Variants in NCS1 observed in about 807,000 individuals in gnomAD.
NCS1 encodes neuronal calcium sensor 1.
A neutral mutation model predicts 28.4 loss-of-function variants in NCS1; 6 were observed. That is an observed-to-expected ratio of 0.21 (90% confidence interval 0.12 to 0.42). The LOEUF (loss-of-function observed/expected upper bound fraction) is 0.42. Among genes scored for constraint, NCS1 ranks in the 10% least tolerant of loss-of-function variants. The pLI, the probability that NCS1 is intolerant of heterozygous loss-of-function variation, is 1.00. For synonymous variants in NCS1, 86 were observed against 99.3 expected (o/e 0.87, Z 0.79); for missense variants, 131 against 241.4 (o/e 0.54, Z 3.03).
chr9:130,205,493 A>G (rs1554907963), intron 2 of NCS1, among the ~76,000 whole-genome samples: 3 of 143,506 alleles, frequency 2.1e-5, no homozygotes, highest in African/African-American at 7.7e-5. Flanking sequence ...GCAATGAGCT[A>G]TGATTGCCCT....
chr9:130,224,858 T>C (rs547250284), intron 6 of NCS1, among the ~76,000 whole-genome samples: 1 of 152,300 alleles, frequency 6.6e-6, no homozygotes, highest in South Asian at 2.1e-4. Context: ...TTTGAAATAA[T>C]GACGTTAGGG....
intron 1 of NCS1, among the ~76,000 whole-genome samples, chr9:130,196,336 G>A (rs971396121): frequency 6.6e-6 from 1 of 152,346 alleles, no homozygotes; most frequent in South Asian, 2.1e-4. Context: ...CGAGTCCCCG[G>A]CTCTGCTGCA....
chr9:130,187,236 C>T lies in NCS1; in HGVS notation c.65-13722C>T, dbSNP rs367591264. Among the ~76,000 whole-genome samples the T allele has an allele frequency of 1.6e-4, 25 of 152,314 alleles. No individual in the cohort carries two copies. The East Asian group carries it at 3.3e-3, about 20-fold the overall frequency. On this transcript the variant is annotated intron_variant, in intron 1 of 7. Transcript: ENST00000372398. ...CCAGTCAAGGTCAGGGTCCGGCCTA[C>T]AGCGAGCTCTGGCCAGGCTGATGTG... is the stretch of plus-strand genomic sequence containing the variant.
Position 130,192,192 on chromosome 9 carries a change from G to A in NCS1, c.65-8766G>A, listed in dbSNP as rs1186324115. ...CTCTTCTCACCCTGGCAGGGGCATC[G>A]AGTAATAAGTACAACAGCAGTGATG... On this transcript the variant is annotated intron_variant, in intron 1 of 7. Coordinates refer to ENST00000372398, the MANE Select transcript of NCS1 (RefSeq NM_014286.4). The surrounding 1 kb of genome is among the most constrained non-coding windows in gnomAD (Gnocchi z 4.8). Among the ~76,000 whole-genome samples the A allele has an allele frequency of 2.0e-5, 3 of 152,128 alleles. No individual in the cohort carries two copies. Among genetic ancestry groups the A allele is most frequent in the Non-Finnish European group, 2.9e-5 (2 of 68,012 alleles).
At chr9:130,184,102 G>A (rs890709180) in intron 1 of NCS1, among the ~76,000 whole-genome samples, 13 of 152,060 alleles carry the variant, frequency 8.5e-5, no homozygotes, top group African/African-American at 2.2e-4. Flanking sequence ...GAGCCACCGC[G>A]CCCGGCGTCT....
chr9:130,232,554 G>A lies in NCS1; in HGVS notation c.*18-436G>A, dbSNP rs969012234. On this transcript the variant is annotated intron_variant, in intron 7 of 7. Coordinates refer to ENST00000372398, the MANE Select transcript of NCS1 (RefSeq NM_014286.4). This position sits in a 1 kb window ranked among gnomAD's most constrained non-coding sequence, Gnocchi z 4.4. ...TCCCAGCACTTTGGGAGGCCGAGGC[G>A]GGTCTATCATGAGGTCAGGAGTTCG... is the stretch of plus-strand genomic sequence containing the variant. Among the ~76,000 whole-genome samples the A allele has an allele frequency of 5.9e-5, 9 of 152,078 alleles. No homozygotes were observed. The highest frequency in any genetic ancestry group is 1.9e-4 in the African/African-American group (8 of 41,398).
chr9:130,217,851 G>C lies in NCS1; in HGVS notation c.109G>C (p.Asp37His). 6.2e-7 allele frequency: 1 copy of C among 1,614,174 alleles called. No individual in the cohort carries two copies. The highest frequency in any genetic ancestry group is 8.5e-7 in the Non-Finnish European group (1 of 1,180,042). ...VQQWYKGFIK[D>H]CPSGQLDAAG... The stretch of plus-strand genomic sequence containing the variant: ...CTCCAGGTACAAAGGCTTCATCAAG[G>C]ACTGCCCCAGTGGGCAGCTGGATGC... Residue 37 changes from aspartate to histidine, a missense_variant, in exon 3 of 8, where the codon GAC becomes CAC. Physicochemically the swap from Asp to His is moderately conservative, Grantham distance 81. Coordinates refer to ENST00000372398, the MANE Select transcript of NCS1 (RefSeq NM_014286.4).
rs369569947 is a variant in NCS1, at chr9:130,217,844, C to T, written c.102C>T (p.Phe34=). 30 of 1,614,080 alleles carry T rather than the reference C, an allele frequency of 1.9e-5. No homozygotes were observed. Among genetic ancestry groups the T allele is most frequent in the East Asian group, 1.6e-4 (7 of 44,888 alleles). The change falls in exon 3 of 8, where the codon TTC becomes TTT. Residue 34 remains phenylalanine (F), a synonymous_variant. Transcript: ENST00000372398. ...EKEVQQWYKG[F]IKDCPSGQLD... is the part of the protein sequence containing the mutation. ...CTGCTGCCTCCAGGTACAAAGGCTT[C>T]ATCAAGGACTGCCCCAGTGGGCAGC... is the stretch of plus-strand genomic sequence containing the variant.
rs1280163291 is a variant in NCS1 at position 130,215,294 on chromosome 9, G to C, written c.90-2538G>C. The stretch of plus-strand genomic sequence containing the variant: ...AGAAGAAACTCAAAAGAAGCAGGGA[G>C]AAGGCAGGTTTAAGGGCCAGGACGG... On this transcript the variant is annotated intron_variant, in intron 2 of 7. Transcript: ENST00000372398. This position sits in a 1 kb window ranked among gnomAD's most constrained non-coding sequence, Gnocchi z 4.2. Among the ~76,000 whole-genome samples, 1 of 152,208 alleles carries C rather than the reference G, an allele frequency of 6.6e-6. No individual in the cohort carries two copies. The highest frequency in any genetic ancestry group is 1.5e-5 in the Non-Finnish European group (1 of 68,052).
intron 1 of NCS1, among the ~76,000 whole-genome samples, chr9:130,183,218 T>C (rs1832686702): frequency 6.6e-6 from 1 of 152,184 alleles, no homozygotes; most frequent in Admixed American, 6.5e-5. Context: ...TGGCTGCCCC[T>C]CTCAGGGCCG....
chr9:130,200,590 AG>A (rs1229888267), intron 1 of NCS1: 1 of 1,551,604 alleles, frequency 6.4e-7, no homozygotes, highest in African/African-American at 1.4e-5. Flanking sequence ...TCCCGTCCCC[AG>A]GGATTGAGAG....
At position 130,219,174 on chromosome 9, in the gene NCS1, C is replaced by A. The variant is rs1210567058; in HGVS notation, c.229-551C>A. 9.2e-5 allele frequency among the ~76,000 whole-genome samples: 14 copies of A among 152,076 alleles called. No individual in the cohort carries two copies. The highest frequency in any genetic ancestry group is 3.4e-4 in the African/African-American group (14 of 41,400). On this transcript the variant is annotated intron_variant, in intron 3 of 7. Coordinates refer to ENST00000372398, the MANE Select transcript of NCS1 (RefSeq NM_014286.4). This position sits in a 1 kb window ranked among gnomAD's most constrained non-coding sequence, Gnocchi z 5.7. ...GATTTACTGCCACTTGTCTCTGTAC[C>A]CCCTGCTGCTGGCACCGTGGAGGTT...
intron 2 of NCS1, among the ~76,000 whole-genome samples, chr9:130,211,646 A>T (rs1189828282): frequency 1.3e-5 from 2 of 151,928 alleles, no homozygotes; most frequent in Non-Finnish European, 2.9e-5. Context: ...CCTGGTACCG[A>T]GCACAGAGGC....
rs548734910 is a variant in NCS1, at chr9:130,234,546, T to C, written c.*1574T>C. On this transcript the variant is annotated 3_prime_UTR_variant, in exon 8 of 8. Coordinates refer to ENST00000372398, the MANE Select transcript of NCS1 (RefSeq NM_014286.4). The surrounding 1 kb of genome is among the most constrained non-coding windows in gnomAD (Gnocchi z 6.1). ...GCGAGGAGGCCCGGGCTGGTTGGTC[T>C]TGAAGGCCCTTTTCCATGCCGACAT... 7.9e-4 allele frequency: 121 copies of C among 152,470 alleles called. No individual in the cohort carries two copies. The highest frequency in any genetic ancestry group is 2.8e-3 in the African/African-American group (117 of 41,586). 9.4% of individuals were successfully genotyped at this position (152,470 alleles called of 1,614,324 possible). A position where few individuals can be genotyped will look rare whatever the true frequency, so the allele number is the denominator to read the frequency against.
rs1833599451 is a variant in NCS1, at chr9:130,236,663, T to G, written c.*3691T>G. 6.6e-6 allele frequency: 1 copy of G among 152,084 alleles called. No homozygotes were observed. The highest frequency in any genetic ancestry group is 1.5e-5 in the Non-Finnish European group (1 of 67,970). 9.4% of individuals were successfully genotyped at this position (152,084 alleles called of 1,614,324 possible). On this transcript the variant is annotated 3_prime_UTR_variant, in exon 8 of 8. Coordinates refer to ENST00000372398, the MANE Select transcript of NCS1 (RefSeq NM_014286.4). ...CATCTTCTGTCTTGGCATCTTAGCA[T>G]CCAGGCTCAGGCTCTGCCCCTTCTC...
At position 130,219,675 on chromosome 9, in the gene NCS1, C is replaced by T. The variant is rs782164192; in HGVS notation, c.229-50C>T. ...GCCCGTCCCGAGGTTCAGCCTGACC[C>T]GGTGGCCTGGCCGGCACTGACTGAG... On this transcript the variant is annotated intron_variant, in intron 3 of 7. Coordinates refer to ENST00000372398, the MANE Select transcript of NCS1 (RefSeq NM_014286.4). The surrounding 1 kb of genome is among the most constrained non-coding windows in gnomAD (Gnocchi z 5.7). The T allele has an allele frequency of 3.1e-5, 49 of 1,580,196 alleles. 2 individuals are homozygous for T. The highest frequency in any genetic ancestry group is 4.0e-5 in the African/African-American group (3 of 74,186).
chr9:130,218,223 T>C lies in NCS1; in HGVS notation c.228+253T>C, dbSNP rs72761208. 8.0e-3 allele frequency among the ~76,000 whole-genome samples: 1,221 copies of C among 152,344 alleles called. 14 individuals carry two copies. The highest frequency in any genetic ancestry group is 0.013 in the Non-Finnish European group (859 of 68,036). On this transcript the variant is annotated intron_variant, in intron 3 of 7. Transcript: ENST00000372398. ...CACATATGTACACCCACACATGTAC[T>C]GACATGCACATCCAAGCTCTCACAC...
intron 2 of NCS1, among the ~76,000 whole-genome samples, chr9:130,208,951 G>A (rs7847466): frequency 0.51 from 77,310 of 151,780 alleles, 20,248 homozygotes; most frequent in East Asian, 0.84. Context: ...GCTCAGACCC[G>A]CCGGCTTCTT....
rs1461472408 is a variant in NCS1 at position 130,215,887 on chromosome 9, CAAG to C, written c.90-1939_90-1937del. ...GTCATGTGCCCGCTATGGTCTGACT[CAAG>C]AAGAACTGCCCTCCCTCCCACATCC... On this transcript the variant is annotated intron_variant, in intron 2 of 7. Coordinates refer to ENST00000372398, the MANE Select transcript of NCS1 (RefSeq NM_014286.4). The surrounding 1 kb of genome is among the most constrained non-coding windows in gnomAD (Gnocchi z 4.2). 6.6e-6 allele frequency among the ~76,000 whole-genome samples: 1 copy of C among 152,102 alleles called. No homozygotes were observed. Among genetic ancestry groups the C allele is most frequent in the African/African-American group, 2.4e-5 (1 of 41,412 alleles).
Sources: gnomAD v4.1 joint callset for allele counts (sites outside exome capture counted in the v4.1 genomes callset) on GRCh38, gnomAD v4.1.1 for gene constraint, Gnocchi (gnomAD v3.1) non-coding constraint, MANE v1.5 for transcripts, NCBI Gene and HGNC (gene_info 2026-07-23, HGNC 2026-07-21) for gene names.